GRIN2C: variants seen among roughly 807,000 people sequenced by gnomAD.
GRIN2C encodes glutamate receptor ionotropic, NMDA 2C.
GRIN2C carries 64 observed loss-of-function variants against 77.7 expected under a neutral mutation model. The observed-to-expected ratio is 0.82, with a 90% CI of 0.67 to 1.01. GRIN2C has a LOEUF of 1.01. Ranked by LOEUF, GRIN2C falls within the 50% of genes least tolerant of loss-of-function variation. GRIN2C has a pLI of 0.00. For missense variants in GRIN2C, 1,549 were observed against 1,486.0 expected, an observed-to-expected ratio of 1.04 and a Z score of -0.70; for synonymous variants, 792 against 643.4, an observed-to-expected ratio of 1.23 and a Z score of -3.49.
intron 12 of GRIN2C, 41 bp from the exon 13 acceptor site, chr17:74,843,594 C>T (rs896736796): frequency 9.3e-5 from 141 of 1,516,948 alleles, no homozygotes; most frequent in Non-Finnish European, 1.1e-4. Context: ...CAGCGCCCTC[C>T]GCTCAGGGAC....
At position 74,859,482 on chromosome 17, in the gene GRIN2C, C is replaced by A. The variant is rs548410845; in HGVS notation, c.-16+262G>T. 8.5e-5 allele frequency among the ~76,000 whole-genome samples: 13 copies of A among 152,212 alleles called. 1 individual carries two copies. The South Asian group carries it at 2.7e-3, about 32-fold the overall frequency. ...AACTCTGTCGCAGGAGTCCTCCCCA[C>A]CCACCAGCAGAACCCCCGGACCCCC... On this transcript the variant is annotated intron_variant, in intron 1 of 12. Transcript: ENST00000293190. The surrounding 1 kb of genome is among the most constrained non-coding windows in gnomAD (Gnocchi z 5.9).
At position 74,844,273 on chromosome 17, in the gene GRIN2C, C is replaced by T. The variant is rs1268894661; in HGVS notation, c.2583+3G>A. 2 of 1,613,588 alleles carry T rather than the reference C, an allele frequency of 1.2e-6. No homozygotes were observed. Among genetic ancestry groups the T allele is most frequent in the East Asian group, 4.5e-5 (2 of 44,856 alleles). Reference sequence around the variant, plus strand: ...GCCTGTGTGGGGAGGGGTGGGCACCCACCCTGCTGAAAGCCAGCAGGAAGT... The same window carrying T: ...GCCTGTGTGGGGAGGGGTGGGCACCTACCCTGCTGAAAGCCAGCAGGAAGT... On this transcript the variant is annotated splice_donor_region_variant and intron_variant, in intron 12 of 12. Transcript: ENST00000293190.
rs1567886517 is a variant in GRIN2C at position 74,843,155 on chromosome 17, C to A, written c.2982G>T (p.Val994=). ...PGPPLSDVSR[V]SRRPAWEARW... ...GCGCCTCCCAGGCTGGGCGGCGCGACACTCGGGAGACGTCGGACAGGGGCG... is the reference window on the plus strand; with the variant it reads ...GCGCCTCCCAGGCTGGGCGGCGCGAAACTCGGGAGACGTCGGACAGGGGCG... Residue 994 remains valine (V), a synonymous_variant, in exon 13 of 13, where the codon GTG becomes GTT. Coordinates refer to ENST00000293190, the MANE Select transcript of GRIN2C (RefSeq NM_000835.6). 4.8e-6 allele frequency: 2 copies of A among 413,992 alleles called. No homozygotes were observed. The highest frequency in any genetic ancestry group is 3.6e-5 in the East Asian group (1 of 27,608). The allele number at this position is 413,992 out of a possible 1,614,324, so 25.6% of individuals were successfully genotyped here. A position where few individuals can be genotyped will look rare whatever the true frequency, so the allele number is the denominator to read the frequency against.
chr17:74,851,541 G>A (rs1598486279), intron 4 of GRIN2C, 36 bp downstream of exon 4: 2 of 1,244,710 alleles, frequency 1.6e-6, no homozygotes, highest in East Asian at 2.5e-5. Flanking sequence ...CAAAATAAGA[G>A]GACACTGAGG....
chr17:74,846,293 G>T lies in GRIN2C; in HGVS notation c.2163-40C>A. ...AGCCTCAGAGCTAGGGACCATATGG[G>T]AGGGGAGGGGACACCGAAACTGGGG... On this transcript the variant is annotated intron_variant, in intron 10 of 12. Coordinates refer to ENST00000293190, the MANE Select transcript of GRIN2C (RefSeq NM_000835.6). The surrounding 1 kb of genome is among the most constrained non-coding windows in gnomAD (Gnocchi z 4.4). 6.3e-7 allele frequency: 1 copy of T among 1,577,446 alleles called. No individual in the cohort carries two copies.
At chr17:74,855,682 CACCCCCA>C (rs2037800429) in intron 1 of GRIN2C, among the ~76,000 whole-genome samples, 1 of 152,216 alleles carries the variant, frequency 6.6e-6, no homozygotes. Context: ...GCTCTTGCAT[CACCCCCA>C]ACCCCCACCC....
In GRIN2C at chr17:74,852,243, G is replaced by A; in HGVS notation, c.768C>T (p.Asn256=). 1.4e-6 allele frequency: 2 copies of A among 1,403,418 alleles called. No individual in the cohort carries two copies. Among genetic ancestry groups the A allele is most frequent in the South Asian group, 1.5e-5 (1 of 66,292 alleles). The allele number at this position is 1,403,418 out of a possible 1,614,324, so 86.9% of individuals were successfully genotyped here. The part of the protein sequence containing the change: ...VGPGHVWLVP[N]LALGSTDAPP... ...GCGCATCGGTGCTGCCCAGCGCCAGGTTGGGCACCAGCCACACGTGGCCGG... is the reference window on the plus strand; with the variant it reads ...GCGCATCGGTGCTGCCCAGCGCCAGATTGGGCACCAGCCACACGTGGCCGG... The change falls in exon 3 of 13, where the codon AAC becomes AAT. Residue 256 remains asparagine, a synonymous_variant. Coordinates refer to ENST00000293190, the MANE Select transcript of GRIN2C (RefSeq NM_000835.6).
chr17:74,843,890 T>TG, intron 12 of GRIN2C: 1 of 444,226 alleles, frequency 2.3e-6, no homozygotes, highest in Non-Finnish European at 4.0e-6. Flanking sequence ...TTTTTTTTTT[T>TG]AGAAACAGGA....
rs746610735 is a variant in GRIN2C, at chr17:74,847,388, C to T, written c.1921G>A (p.Ala641Thr). ...VWAFFAVIFL[A>T]SYTANLAAFM... ...GCGGCCAGGTTGGCCGTGTAGCTGG[C>T]GAGGAAGATGACAGCAAAGAAGGCC... The change falls in exon 9 of 13, where the codon GCC (alanine) becomes ACC (threonine). Residue 641 changes from alanine to threonine, a missense_variant. By Grantham distance (58) the Ala-to-Thr change is moderately conservative. This residue lies in a region of GRIN2C where 717 missense variants were observed against 858.1 expected (regional missense o/e 0.84). Transcript: ENST00000293190. This position sits in a 1 kb window ranked among gnomAD's most constrained non-coding sequence, Gnocchi z 5.2. 38 of 1,612,858 alleles carry T rather than the reference C, an allele frequency of 2.4e-5. No homozygotes were observed. The highest frequency in any genetic ancestry group is 3.2e-5 in the Non-Finnish European group (38 of 1,179,528).
In GRIN2C at chr17:74,851,629, A is replaced by G; in HGVS notation, c.1061T>C (p.Val354Ala). The change falls in exon 4 of 13, where the codon GTC (valine) becomes GCC (alanine). Residue 354 changes from valine to alanine, a missense_variant. Physicochemically the swap from Val to Ala is moderately conservative, Grantham distance 64. Around this residue, in one of 3 missense-constraint regions of GRIN2C, gnomAD observed 717 missense variants for 858.1 expected, o/e 0.84. Coordinates refer to ENST00000293190, the MANE Select transcript of GRIN2C (RefSeq NM_000835.6). ...DFSFSPGGYLVQPTMVVIALN... is the reference protein window; with the variant it reads ...DFSFSPGGYLAQPTMVVIALN... ...GGCGATCACCACCATGGTGGGCTGG[A>G]CCAGGTACCCACCAGGGCTGAAGGA... is the stretch of plus-strand genomic sequence containing the variant. 6.4e-7 allele frequency: 1 copy of G among 1,572,596 alleles called. No individual in the cohort carries two copies. The highest frequency in any genetic ancestry group is 8.6e-7 in the Non-Finnish European group (1 of 1,157,848).
Position 74,852,377 on chromosome 17 carries a change from T to TGC in GRIN2C, c.632_633dup (p.Thr212AlafsTer126), listed in dbSNP as rs766320126. On this transcript the variant is annotated frameshift_variant, in exon 3 of 13. Transcript: ENST00000293190. LOFTEE classifies it high-confidence loss of function. The stretch of plus-strand genomic sequence containing the variant: ...TCGAGCTGGCGCAGCAGGCGCTGCG[T>TGC]GCGCGCGCGCGGCCCTCCCGGGCCC... The TGC allele has an allele frequency of 1.4e-6, 2 of 1,440,908 alleles. No individual in the cohort carries two copies. Among genetic ancestry groups the TGC allele is most frequent in the Admixed American group, 3.0e-5 (1 of 33,574 alleles). 89.3% of individuals were successfully genotyped at this position (1,440,908 alleles called of 1,614,324 possible).
At position 74,850,762 on chromosome 17, in the gene GRIN2C, C is replaced by T. The variant is rs1373452728; in HGVS notation, c.1119G>A (p.Gly373=). The stretch of plus-strand genomic sequence containing the variant: ...TGTATAGGACGCCATGCTCCCAGCG[C>T]CCCACCTGTGGAGGGTGACAGCCTC... ...LNRHRLWEMV[G]RWEHGVLYMK... The change falls in exon 5 of 13, where the codon GGG becomes GGA. Residue 373 remains glycine, a synonymous_variant. Transcript: ENST00000293190. The surrounding 1 kb of genome is among the most constrained non-coding windows in gnomAD (Gnocchi z 5.3). 8 of 1,610,808 alleles carry T rather than the reference C, an allele frequency of 5.0e-6. No homozygotes were observed. Among genetic ancestry groups the T allele is most frequent in the Admixed American group, 1.7e-5 (1 of 59,750 alleles).
At position 74,849,647 on chromosome 17, in the gene GRIN2C, A is replaced by G. The variant is rs2144581171; in HGVS notation, c.1645+133T>C. 1 of 787,866 alleles carries G rather than the reference A, an allele frequency of 1.3e-6. No individual in the cohort carries two copies. The highest frequency in any genetic ancestry group is 2.0e-6 in the Non-Finnish European group (1 of 495,640). The allele number at this position is 787,866 out of a possible 1,614,324, so 48.8% of individuals were successfully genotyped here. ...TCTCCTTTCCACTCACCTCCAGCCA[A>G]CCTCCAAGACCCAAGGCTGCTGTGC... On this transcript the variant is annotated intron_variant, in intron 7 of 12. Transcript: ENST00000293190. The surrounding 1 kb of genome is among the most constrained non-coding windows in gnomAD (Gnocchi z 4.6).
chr17:74,850,250 G>A lies in GRIN2C; in HGVS notation c.1447C>T (p.His483Tyr). The A allele has an allele frequency of 6.2e-7, 1 of 1,613,800 alleles. No individual in the cohort carries two copies. The highest frequency in any genetic ancestry group is 8.5e-7 in the Non-Finnish European group (1 of 1,179,982). ...YDLYLVTNGK[H>Y]GKRVRGVWNG... ...CATACGCCGCGCACCCGCTTGCCAT[G>A]CTTGCCGTTGGTCACCAGGTACAGG... Residue 483 changes from histidine (H) to tyrosine (Y), a missense_variant, in exon 6 of 13, where the codon CAT (histidine) becomes TAT (tyrosine). Coordinates refer to ENST00000293190, the MANE Select transcript of GRIN2C (RefSeq NM_000835.6). The surrounding 1 kb of genome is among the most constrained non-coding windows in gnomAD (Gnocchi z 5.3).
At position 74,850,701 on chromosome 17, in the gene GRIN2C, G is replaced by A; in HGVS notation, c.1180C>T (p.Leu394=). 6.2e-7 allele frequency: 1 copy of A among 1,613,648 alleles called. No homozygotes were observed. The highest frequency in any genetic ancestry group is 8.5e-7 in the Non-Finnish European group (1 of 1,180,016). The change falls in exon 5 of 13, where the codon CTG becomes TTG. Residue 394 remains leucine, a synonymous_variant. Coordinates refer to ENST00000293190, the MANE Select transcript of GRIN2C (RefSeq NM_000835.6). The surrounding 1 kb of genome is among the most constrained non-coding windows in gnomAD (Gnocchi z 5.3). ...TGCCGACTGTCCACCACAGGCTGCAGAGAGGCACTGTAGCGAGGCCACACG... is the reference window on the plus strand; with the variant it reads ...TGCCGACTGTCCACCACAGGCTGCAAAGAGGCACTGTAGCGAGGCCACACG... ...YPVWPRYSAS[L]QPVVDSRHLT... is the part of the protein sequence containing the mutation.
rs775310191 is a variant in GRIN2C, at chr17:74,846,844, C to T, written c.2078G>A (p.Arg693His). ...GGTGTGCATGTCACGGTAGTTACTG[C>T]GGATGTTCCGCTCCGTGCTGCCGTT... ...VPNGSTERNIRSNYRDMHTHM... is the reference protein window; with the variant it reads ...VPNGSTERNIHSNYRDMHTHM... The change falls in exon 10 of 13, where the codon CGC (arginine) becomes CAC (histidine). Residue 693 changes from arginine to histidine, a missense_variant. Coordinates refer to ENST00000293190, the MANE Select transcript of GRIN2C (RefSeq NM_000835.6). The surrounding 1 kb of genome is among the most constrained non-coding windows in gnomAD (Gnocchi z 4.4). The T allele has an allele frequency of 1.9e-6, 3 of 1,614,146 alleles. No individual in the cohort carries two copies. The highest frequency in any genetic ancestry group is 1.3e-5 in the African/African-American group (1 of 75,056).
chr17:74,858,384 G>A (rs1223446350), intron 1 of GRIN2C, among the ~76,000 whole-genome samples: 2 of 151,868 alleles, frequency 1.3e-5, no homozygotes, highest in East Asian at 1.9e-4. Context: ...GAGGCAGGTT[G>A]TACCTCTAAT....
upstream of GRIN2C, chr17:74,860,306 G>A: frequency 5.0e-6 from 2 of 399,848 alleles, no homozygotes; most frequent in Non-Finnish European, 1.0e-5. Context: ...TGTGGCCCGG[G>A]GTCAGGGACT....
At chr17:74,860,218 G>A (rs931346037), upstream of GRIN2C, among the ~76,000 whole-genome samples, 6 of 152,204 alleles carry the variant, frequency 3.9e-5, no homozygotes, top group Non-Finnish European at 5.9e-5. Flanking sequence ...CACTAGCACC[G>A]CCAAGACCTG....
Sources: gnomAD v4.1 joint callset for allele counts (sites outside exome capture counted in the v4.1 genomes callset) on GRCh38, gnomAD v4.1.1 for gene constraint, gnomAD v4.1.1 regional missense constraint, Gnocchi (gnomAD v3.1) non-coding constraint, MANE v1.5 for transcripts, NCBI Gene and HGNC (gene_info 2026-07-23, HGNC 2026-07-21) for gene names.